Variants in IRAG1 observed in about 807,000 individuals in gnomAD.
The protein encoded by IRAG1 is IP3R-associated cGMP kinase substrate.
A neutral mutation model predicts 106.2 loss-of-function variants in IRAG1; 62 were observed. The ratio of observed to expected loss-of-function variants is 0.58; its 90% CI spans 0.48 to 0.72. The LOEUF (loss-of-function observed/expected upper bound fraction) is 0.72, where lower values mean the gene tolerates loss of function less well. IRAG1 is among the 30% of genes least tolerant of loss of function. IRAG1 has a pLI of 0.00. For missense variants in IRAG1, 1,064 were observed against 1,140.7 expected (o/e 0.93, Z 0.97); for synonymous variants, 462 against 443.9 (o/e 1.04, Z -0.51).
intron 10 of IRAG1, among the ~76,000 whole-genome samples, chr11:10,610,785 T>C (rs895272379): frequency 6.6e-6 from 1 of 152,240 alleles, no homozygotes; most frequent in African/African-American, 2.4e-5. Context: ...GGGCTTACAG[T>C]ACACTTAGCA....
chr11:10,594,428 A>G (rs1853041858), intron 15 of IRAG1, among the ~76,000 whole-genome samples: 1 of 152,096 alleles, frequency 6.6e-6, no homozygotes, highest in African/African-American at 2.4e-5. Context: ...TCACTATAGG[A>G]AGCCCCAGTC....
intron 1 of IRAG1, among the ~76,000 whole-genome samples, chr11:10,690,737 A>G (rs139303666): frequency 6.6e-6 from 1 of 152,258 alleles, no homozygotes; most frequent in Admixed American, 6.5e-5. Flanking sequence ...GGAGTCCACC[A>G]CCTACCAGCT....
At chr11:10,579,659 C>A (rs778376378) in intron 20 of IRAG1, among the ~76,000 whole-genome samples, 16 of 152,130 alleles carry the variant, frequency 1.1e-4, no homozygotes, top group African/African-American at 3.9e-4. Flanking sequence ...TATCCCTAAG[C>A]GTGAACTTCT....
intron 12 of IRAG1, 87 bp downstream of exon 12, chr11:10,606,655 C>G (rs956697028): frequency 3.7e-6 from 5 of 1,333,410 alleles, no homozygotes; most frequent in Admixed American, 2.6e-5. Context: ...CTAAAAATGT[C>G]AGAGCTAGAG....
chr11:10,651,817 C>G (rs531876812), intron 2 of IRAG1, among the ~76,000 whole-genome samples: 1 of 152,256 alleles, frequency 6.6e-6, no homozygotes, highest in African/African-American at 2.4e-5. Context: ...GGTTCTATAC[C>G]CAGAATATTT....
At chr11:10,595,608 T>C (rs1420794444) in intron 15 of IRAG1, 1 of 152,268 alleles carries the variant, frequency 6.6e-6, no homozygotes, top group Non-Finnish European at 1.5e-5. Flanking sequence ...TGTTGATTTC[T>C]ACAGAGAGTG....
At chr11:10,583,705 A>AGG (rs939604422) in intron 18 of IRAG1, among the ~76,000 whole-genome samples, 13 of 152,162 alleles carry the variant, frequency 8.5e-5, no homozygotes, top group Admixed American at 7.9e-4. Context: ...GATGAGAGAA[A>AGG]GGGATGCCCG....
intron 4 of IRAG1, among the ~76,000 whole-genome samples, 200 bp downstream of exon 4, chr11:10,631,791 G>A (rs1034151320): frequency 6.6e-6 from 1 of 152,150 alleles, no homozygotes; most frequent in Non-Finnish European, 1.5e-5. Flanking sequence ...TTCATGCCCT[G>A]GTCTTGTCTT....
chr11:10,599,109 G>T (rs1853658386), intron 15 of IRAG1, among the ~76,000 whole-genome samples: 1 of 152,152 alleles, frequency 6.6e-6, no homozygotes, highest in African/African-American at 2.4e-5. Context: ...CCTTTCCTAC[G>T]GTAAGCGTTT....
At chr11:10,596,165 G>A (rs1038295238) in intron 15 of IRAG1, among the ~76,000 whole-genome samples, 1 of 152,186 alleles carries the variant, frequency 6.6e-6, no homozygotes, top group Non-Finnish European at 1.5e-5. Flanking sequence ...ACATTTGTGA[G>A]CATGTGTTTG....
intron 3 of IRAG1, among the ~76,000 whole-genome samples, chr11:10,632,616 C>G (rs957595450): frequency 5.9e-5 from 9 of 152,192 alleles, no homozygotes; most frequent in African/African-American, 2.2e-4. Flanking sequence ...ATCAGAAATT[C>G]TGGAGGTGGG....
chr11:10,655,644 C>A (rs1858861537), intron 1 of IRAG1, among the ~76,000 whole-genome samples: 1 of 152,240 alleles, frequency 6.6e-6, no homozygotes, highest in South Asian at 2.1e-4. Context: ...CCCTGGGAGT[C>A]CCTGAAATCC....
chr11:10,584,868 C>G (rs183465667), intron 18 of IRAG1, among the ~76,000 whole-genome samples: 1 of 152,094 alleles, frequency 6.6e-6, no homozygotes, highest in Admixed American at 6.5e-5. Flanking sequence ...ATATGGCACT[C>G]AACAAATTAT....
chr11:10,586,500 C>A (rs1027715858), intron 18 of IRAG1, among the ~76,000 whole-genome samples: 4 of 151,752 alleles, frequency 2.6e-5, no homozygotes, highest in Non-Finnish European at 5.9e-5. Flanking sequence ...ACACTGCAAC[C>A]TCCACCTCCC....
Position 10,665,925 on chromosome 11 carries a change from A to G in IRAG1, c.68-13743T>C, listed in dbSNP as rs1859752528. ...CTGAGTCTTTAGACCCAAGTTGAGA[A>G]CAGGTTATGGTGAACAGTGATATGC... On this transcript the variant is annotated intron_variant, in intron 1 of 20. Transcript: ENST00000423302. The surrounding 1 kb of genome is among the most constrained non-coding windows in gnomAD (Gnocchi z 4.2). Among the ~76,000 whole-genome samples the G allele has an allele frequency of 6.6e-6, 1 of 152,168 alleles. No individual in the cohort carries two copies. Among genetic ancestry groups the G allele is most frequent in the African/African-American group, 2.4e-5 (1 of 41,408 alleles).
chr11:10,627,958 G>A lies in IRAG1; in HGVS notation c.705+15C>T. The A allele has an allele frequency of 7.5e-6, 12 of 1,599,284 alleles. No individual in the cohort carries two copies. The highest frequency in any genetic ancestry group is 1.0e-5 in the Non-Finnish European group (12 of 1,170,834). The stretch of plus-strand genomic sequence containing the variant: ...TTGGCATAGAAACAGCACAGCAGGT[G>A]GGGGGTCCTGTCACCTGTGGTGGTG... On this transcript the variant is annotated intron_variant, in intron 7 of 20. Coordinates refer to ENST00000423302, the MANE Select transcript of IRAG1 (RefSeq NM_130385.4).
rs1360147185 is a variant in IRAG1 at position 10,613,257 on chromosome 11, CAT to C, written c.1448-3408_1448-3407del. 6.6e-5 allele frequency among the ~76,000 whole-genome samples: 6 copies of C among 91,162 alleles called. No individual in the cohort carries two copies. In the East Asian group the frequency reaches 2.1e-3, roughly 33 times the overall value. The allele number at this position is 91,162 out of a possible 152,430, so 59.8% of individuals were successfully genotyped here. ...TGTTAAAAAATATATTTAAATGCTTCATACAAAAAAAAAAAAAAAAACCCAGA... is the reference window on the plus strand; with the variant it reads ...TGTTAAAAAATATATTTAAATGCTTCACAAAAAAAAAAAAAAAAACCCAGA... On this transcript the variant is annotated intron_variant, in intron 10 of 20. Transcript: ENST00000423302.
In IRAG1 at chr11:10,626,421, C is replaced by G. The variant is rs764368101; in HGVS notation, c.913G>C (p.Gly305Arg). 1.7e-5 allele frequency: 27 copies of G among 1,613,846 alleles called. No homozygotes were observed. In the South Asian group the frequency reaches 2.7e-4, roughly 16 times the overall value. Residue 305 changes from glycine to arginine, a missense_variant, in exon 9 of 21, where the codon GGC becomes CGC. Transcript: ENST00000423302. ...CTGCTGTTTGTAACAGGAGCTAGGC[C>G]TTTGGGTGTGGTCTCGGGGTACTGG... ...PLQYPETTPK[G>R]LAPVTNSSGK...
At position 10,628,547 on chromosome 11, in the gene IRAG1, G is replaced by T. The variant is rs1479023677; in HGVS notation, c.652+204C>A. On this transcript the variant is annotated intron_variant, in intron 6 of 20. Transcript: ENST00000423302. This position sits in a 1 kb window ranked among gnomAD's most constrained non-coding sequence, Gnocchi z 4.1. ...CACCTGCCTCCCGACACAAGCCCAAGATGCTAACAGAAAGTCTATCTGCCT... is the reference window on the plus strand; with the variant it reads ...CACCTGCCTCCCGACACAAGCCCAATATGCTAACAGAAAGTCTATCTGCCT... Among the ~76,000 whole-genome samples the T allele has an allele frequency of 2.0e-5, 3 of 152,188 alleles. No homozygotes were observed. Among genetic ancestry groups the T allele is most frequent in the African/African-American group, 7.2e-5 (3 of 41,440 alleles).
Sources: allele counts gnomAD v4.1 joint callset (sites outside exome capture counted in the v4.1 genomes callset), GRCh38; gene constraint gnomAD v4.1.1; non-coding constraint Gnocchi (gnomAD v3.1); transcripts MANE v1.5; gene names NCBI Gene and HGNC (gene_info 2026-07-23, HGNC 2026-07-21).